Variants in EDIL3 observed in about 807,000 individuals in gnomAD.
EDIL3 encodes the protein EGF-like repeat and discoidin I-like domain-containing protein 3.
EDIL3 carries 37 observed loss-of-function variants against 67.4 expected under a neutral mutation model. The ratio of observed to expected loss-of-function variants is 0.55; its 90% CI spans 0.42 to 0.72. EDIL3 has a LOEUF of 0.72. EDIL3 is among the 30% of genes least tolerant of loss of function. EDIL3 has a pLI of 0.00. For missense variants in EDIL3, 527 were observed against 586.3 expected, an observed-to-expected ratio of 0.90 and a Z score of 1.04; for synonymous variants, 195 against 196.3, an observed-to-expected ratio of 0.99 and a Z score of 0.05.
intron 1 of EDIL3, among the ~76,000 whole-genome samples, chr5:84,257,150 T>C (rs1745136881): frequency 6.6e-6 from 1 of 152,194 alleles, no homozygotes; most frequent in Non-Finnish European, 1.5e-5. Flanking sequence ...TATCCCATCA[T>C]TATGGAGAGT....
chr5:84,075,463 T>C (rs1282733606), intron 6 of EDIL3, among the ~76,000 whole-genome samples: 1 of 149,426 alleles, frequency 6.7e-6, no homozygotes, highest in African/African-American at 2.5e-5. Flanking sequence ...TGACAGGGGC[T>C]TCTTCTTCTT....
intron 9 of EDIL3, among the ~76,000 whole-genome samples, chr5:83,965,889 G>C (rs1744682825): frequency 6.6e-6 from 1 of 151,956 alleles, no homozygotes; most frequent in Non-Finnish European, 1.5e-5. Flanking sequence ...TAAACTTAGA[G>C]TACGAGGCCT....
At chr5:84,194,131 T>C (rs1204608135) in intron 3 of EDIL3, among the ~76,000 whole-genome samples, 1 of 151,868 alleles carries the variant, frequency 6.6e-6, no homozygotes, top group Non-Finnish European at 1.5e-5. Context: ...GAGAATGAAA[T>C]ACGTGATATT....
At chr5:84,034,989 A>T (rs1745993848) in intron 9 of EDIL3, among the ~76,000 whole-genome samples, 1 of 152,094 alleles carries the variant, frequency 6.6e-6, no homozygotes, top group Non-Finnish European at 1.5e-5. Flanking sequence ...ATCTTAAATA[A>T]ATTTTTCTGG....
At chr5:84,265,530 T>A (rs1473364114) in intron 1 of EDIL3, among the ~76,000 whole-genome samples, 1 of 152,224 alleles carries the variant, frequency 6.6e-6, no homozygotes, top group Non-Finnish European at 1.5e-5. Flanking sequence ...TTGTAAAAAG[T>A]GAATGATTTC....
intron 1 of EDIL3, among the ~76,000 whole-genome samples, chr5:84,258,562 C>CTA (rs1249001276): frequency 1.3e-5 from 2 of 152,150 alleles, no homozygotes; most frequent in Non-Finnish European, 2.9e-5. Context: ...TGTCAGCTAA[C>CTA]TACATACTTG....
intron 1 of EDIL3, among the ~76,000 whole-genome samples, chr5:84,380,251 T>C (rs1367741423): frequency 6.6e-6 from 1 of 152,042 alleles, no homozygotes. Context: ...TCTATAACTA[T>C]AGAACATCTA....
intron 1 of EDIL3, among the ~76,000 whole-genome samples, chr5:84,303,710 A>G (rs973853512): frequency 6.6e-6 from 1 of 152,118 alleles, no homozygotes; most frequent in Non-Finnish European, 1.5e-5. Context: ...AACAGTACAG[A>G]ACAGTATATA....
At chr5:84,173,382 G>C (rs982960681) in intron 4 of EDIL3, among the ~76,000 whole-genome samples, 1 of 152,118 alleles carries the variant, frequency 6.6e-6, no homozygotes, top group African/African-American at 2.4e-5. Context: ...ACTACAAAGA[G>C]GTGCCAGACA....
intron 10 of EDIL3, among the ~76,000 whole-genome samples, chr5:83,962,717 T>G (rs2112129112): frequency 6.6e-6 from 1 of 151,666 alleles, no homozygotes; most frequent in Admixed American, 6.6e-5. Flanking sequence ...TCAAAATTGT[T>G]CTATTTCTAA....
chr5:84,046,048 T>C (rs1746218276), intron 9 of EDIL3, among the ~76,000 whole-genome samples: 1 of 152,214 alleles, frequency 6.6e-6, no homozygotes, highest in Admixed American at 6.5e-5. Flanking sequence ...AATGTATGAA[T>C]AACAAACATA....
At chr5:84,067,324 C>T (rs917743198) in intron 6 of EDIL3, among the ~76,000 whole-genome samples, 2 of 152,080 alleles carry the variant, frequency 1.3e-5, no homozygotes, top group Admixed American at 1.3e-4. Context: ...TGTTAATATT[C>T]TTCTCATGTT....
At chr5:83,953,928 T>C (rs1744463163) in intron 10 of EDIL3, among the ~76,000 whole-genome samples, 1 of 151,834 alleles carries the variant, frequency 6.6e-6, no homozygotes, top group African/African-American at 2.4e-5. Context: ...GTAAAAATCA[T>C]TGCCAAATGA....
At chr5:84,326,864 CT>C (rs1409591726) in intron 1 of EDIL3, among the ~76,000 whole-genome samples, 2 of 151,568 alleles carry the variant, frequency 1.3e-5, no homozygotes, top group Non-Finnish European at 3.0e-5. Context: ...TTGTATTTAT[CT>C]TTCATTGTTT....
intron 4 of EDIL3, among the ~76,000 whole-genome samples, chr5:84,142,819 GCC>G (rs11329625): frequency 2.9e-5 from 4 of 137,128 alleles, no homozygotes; most frequent in African/African-American, 1.1e-4. Context: ...GATAGACGGT[GCC>G]CCCCCCCCCA....
intron 4 of EDIL3, among the ~76,000 whole-genome samples, chr5:84,154,761 C>T (rs1408602555): frequency 4.1e-5 from 6 of 147,454 alleles, no homozygotes; most frequent in East Asian, 4.1e-4. Flanking sequence ...GTGCTGTGGC[C>T]GGATCTCGGC....
chr5:84,000,655 A>G (rs1185974983), intron 9 of EDIL3, among the ~76,000 whole-genome samples: 1 of 152,080 alleles, frequency 6.6e-6, no homozygotes, highest in Non-Finnish European at 1.5e-5. Context: ...AGGAAAAAAG[A>G]TAAATCCACA....
intron 6 of EDIL3, among the ~76,000 whole-genome samples, chr5:84,074,059 C>T (rs2112249391): frequency 6.6e-6 from 1 of 152,138 alleles, no homozygotes; most frequent in Non-Finnish European, 1.5e-5. Flanking sequence ...CTACAACTAT[C>T]TGATCTTTGA....
At chr5:84,194,287 T>C (rs1307614601) in intron 3 of EDIL3, among the ~76,000 whole-genome samples, 7 of 151,920 alleles carry the variant, frequency 4.6e-5, no homozygotes, top group Admixed American at 3.9e-4. Flanking sequence ...TTCTCATTTT[T>C]GCTGTCCTTA....
Sources: allele counts gnomAD v4.1 joint callset (sites outside exome capture counted in the v4.1 genomes callset), GRCh38; gene constraint gnomAD v4.1.1; transcripts MANE v1.5; gene names NCBI Gene and HGNC (gene_info 2026-07-23, HGNC 2026-07-21).